The following FCHSD2 variants were observed in gnomAD, a reference collection of about 807,000 sequenced individuals.
FCHSD2 encodes F-BAR and double SH3 domains protein 2.
FCHSD2 carries 38 observed loss-of-function variants against 108.1 expected under a neutral mutation model. That is an observed-to-expected ratio of 0.35 (90% CI 0.27 to 0.46). The LOEUF (loss-of-function observed/expected upper bound fraction) is 0.46. Among genes scored for constraint, FCHSD2 ranks in the 20% least tolerant of loss-of-function variants. The pLI is 1.00. For missense variants in FCHSD2, 751 were observed against 897.8 expected, an observed-to-expected ratio of 0.84 and a Z score of 2.09; for synonymous variants, 279 against 314.7, an observed-to-expected ratio of 0.89 and a Z score of 1.20.
intron 3 of FCHSD2, among the ~76,000 whole-genome samples, chr11:73,040,441 A>G (rs1403124552): frequency 1.3e-5 from 2 of 152,224 alleles, no homozygotes; most frequent in Non-Finnish European, 2.9e-5. Flanking sequence ...TGTCTGGTGT[A>G]TATTTCTCAA....
chr11:73,105,270 T>C (rs1860316424), intron 2 of FCHSD2, among the ~76,000 whole-genome samples: 2 of 152,180 alleles, frequency 1.3e-5, no homozygotes, highest in African/African-American at 4.8e-5. Context: ...TAAAAGGTGG[T>C]GATAAAAATG....
chr11:72,944,414 C>A (rs1372944878), intron 8 of FCHSD2, among the ~76,000 whole-genome samples: 1 of 152,102 alleles, frequency 6.6e-6, no homozygotes, highest in Non-Finnish European at 1.5e-5. Context: ...ATAATAAGAA[C>A]TATCTATGAC....
chr11:72,941,016 G>A (rs898310118), intron 8 of FCHSD2: 6 of 736,142 alleles, frequency 8.2e-6, no homozygotes, highest in South Asian at 2.7e-5. Context: ...AGAGCCATGG[G>A]CTTGGAAAGG....
At chr11:73,004,109 CAAAAAAAAAAAAAAAA>C (rs58773322) in intron 4 of FCHSD2, among the ~76,000 whole-genome samples, 2 of 43,044 alleles carry the variant, frequency 4.6e-5, no homozygotes, top group African/African-American at 1.9e-4. Flanking sequence ...ACTCCAACTC[CAAAAAAAAAAAAAAAA>C]AAAAAAAAAA....
chr11:73,067,892 A>G (rs1289321803), intron 3 of FCHSD2, among the ~76,000 whole-genome samples: 2 of 152,214 alleles, frequency 1.3e-5, no homozygotes, highest in African/African-American at 4.8e-5. Flanking sequence ...TAATTTATAA[A>G]GAAAAAGAGG....
At chr11:73,032,325 C>G (rs1858379699) in intron 3 of FCHSD2, among the ~76,000 whole-genome samples, 1 of 152,114 alleles carries the variant, frequency 6.6e-6, no homozygotes. Context: ...AATACCTGGG[C>G]TTAAGCGATC....
intron 3 of FCHSD2, among the ~76,000 whole-genome samples, chr11:73,063,604 C>T (rs1179894480): frequency 1.3e-5 from 2 of 151,504 alleles, no homozygotes; most frequent in African/African-American, 4.9e-5. Flanking sequence ...ATTTACCAAG[C>T]AAATGGAAAG....
intron 8 of FCHSD2, among the ~76,000 whole-genome samples, chr11:72,957,513 C>T (rs774655783): frequency 6.6e-6 from 1 of 150,652 alleles, no homozygotes; most frequent in African/African-American, 2.4e-5. Context: ...CTGAGGAACT[C>T]TTCTAGATTG....
chr11:72,986,645 A>G (rs552862630), intron 6 of FCHSD2, among the ~76,000 whole-genome samples: 10 of 152,160 alleles, frequency 6.6e-5, no homozygotes, highest in Admixed American at 5.2e-4. Context: ...CTTTTTTTAC[A>G]GTCATTACCC....
chr11:73,117,639 A>C (rs1860634906), intron 2 of FCHSD2, among the ~76,000 whole-genome samples: 1 of 152,214 alleles, frequency 6.6e-6, no homozygotes, highest in African/African-American at 2.4e-5. Context: ...GTTTGCAAGC[A>C]CAAGTAGGGG....
chr11:72,841,724 T>C, intron 17 of FCHSD2, 141 bp from the exon 18 acceptor site: 4 of 848,008 alleles, frequency 4.7e-6, no homozygotes, highest in East Asian at 2.9e-5. Flanking sequence ...TAGAGGCAAC[T>C]GAGCATTAAA....
At chr11:73,003,954 A>G (rs1426132244) in intron 4 of FCHSD2, among the ~76,000 whole-genome samples, 1 of 151,234 alleles carries the variant, frequency 6.6e-6, no homozygotes, top group Admixed American at 6.6e-5. Context: ...TGAAAATACA[A>G]AAATTAGCCA....
chr11:73,107,927 T>C (rs1235288859), intron 2 of FCHSD2, among the ~76,000 whole-genome samples: 2 of 152,210 alleles, frequency 1.3e-5, no homozygotes, highest in Non-Finnish European at 2.9e-5. Flanking sequence ...TTTGGATATA[T>C]ACCCAGCACT....
At chr11:72,924,739 G>C (rs1856043600) in intron 8 of FCHSD2, among the ~76,000 whole-genome samples, 1 of 147,148 alleles carries the variant, frequency 6.8e-6, no homozygotes, top group South Asian at 2.1e-4. Flanking sequence ...TAATAAAGCT[G>C]CACCTTCTAT....
intron 12 of FCHSD2, among the ~76,000 whole-genome samples, chr11:72,871,608 G>C (rs973124151): frequency 6.6e-6 from 1 of 151,796 alleles, no homozygotes; most frequent in African/African-American, 2.4e-5. Context: ...AGCTGGTGCA[G>C]TGGCTTGTAC....
chr11:72,984,696 AACTC>A (rs1398332946), intron 7 of FCHSD2, among the ~76,000 whole-genome samples: 1 of 152,194 alleles, frequency 6.6e-6, no homozygotes, highest in Admixed American at 6.5e-5. Context: ...CCGAAGGAAA[AACTC>A]ACTCACATCT....
At chr11:73,123,076 A>G (rs928438059) in intron 2 of FCHSD2, among the ~76,000 whole-genome samples, 21 of 152,236 alleles carry the variant, frequency 1.4e-4, no homozygotes, top group African/African-American at 5.1e-4. Context: ...TAAATCTGTA[A>G]TTAATTAACA....
At chr11:73,069,310 CA>C (rs369961395) in intron 3 of FCHSD2, among the ~76,000 whole-genome samples, 1,414 of 46,008 alleles carry the variant, frequency 0.031, 4 homozygotes, top group African/African-American at 0.094. Context: ...AACTCTGTCT[CA>C]AAAAAAAAAA....
chr11:72,852,905 T>G (rs1206526982), intron 13 of FCHSD2, among the ~76,000 whole-genome samples: 1 of 152,082 alleles, frequency 6.6e-6, no homozygotes, highest in East Asian at 1.9e-4. Context: ...AACCAAATAC[T>G]GCATGTTCTC....
Sources: allele counts gnomAD v4.1 joint callset (sites outside exome capture counted in the v4.1 genomes callset), GRCh38; gene constraint gnomAD v4.1.1; transcripts MANE v1.5; gene names NCBI Gene and HGNC (gene_info 2026-07-23, HGNC 2026-07-21).